Variants in MYH1 observed in about 807,000 individuals in gnomAD.
MYH1 encodes myosin-1.
MYH1 carries 214 observed loss-of-function variants against 225.6 expected under a neutral mutation model. That is an observed-to-expected ratio of 0.95 (90% CI 0.85 to 1.06). The LOEUF (loss-of-function observed/expected upper bound fraction) is 1.06, where lower values mean the gene tolerates loss of function less well. MYH1 is among the 50% of genes least tolerant of loss of function. The probability of loss-of-function intolerance (pLI) is 0.00; values close to 1 mark genes in which losing one functional copy is unlikely to be tolerated. For synonymous variants in MYH1, 774 were observed against 842.3 expected, an observed-to-expected ratio of 0.92 and a Z score of 1.40; for missense variants, 2,098 against 2,344.2, an observed-to-expected ratio of 0.89 and a Z score of 2.17.
chr17:10,497,418 G>A lies in MYH1; in HGVS notation c.4400C>T (p.Thr1467Ile), dbSNP rs1342993786. 3 of 1,611,312 alleles carry A rather than the reference G, an allele frequency of 1.9e-6. No individual in the cohort carries two copies. Among genetic ancestry groups the A allele is most frequent in the Non-Finnish European group, 8.5e-7 (1 of 1,179,496 alleles). Residue 1467 changes from threonine (T) to isoleucine (I), a missense_variant, in exon 32 of 40, where the codon ACT becomes ATT. By Grantham distance (89) the Thr-to-Ile change is moderately conservative (BLOSUM62 -1). Coordinates refer to ENST00000226207, the MANE Select transcript of MYH1 (RefSeq NM_005963.4). Reference sequence around the variant, plus strand: ...TTGAGAAGCTTCAAGTTCAGCATGAGTTTCTTCACACTTCTGTTTCCATTC... The same window carrying A: ...TTGAGAAGCTTCAAGTTCAGCATGAATTTCTTCACACTTCTGTTTCCATTC... ...LAEWKQKCEE[T>I]HAELEASQKE... is the part of the protein sequence containing the mutation.
At chr17:10,499,240 T>A (rs2142260134) in intron 28 of MYH1, 148 bp from the exon 29 acceptor site, 1 of 693,350 alleles carries the variant, frequency 1.4e-6, no homozygotes, top group African/African-American at 1.8e-5. Flanking sequence ...TTAACCTTGA[T>A]AAGCAGATCC....
Position 10,495,055 on chromosome 17 carries a change from G to A in MYH1, c.5342C>T (p.Ala1781Val). 1.2e-6 allele frequency: 2 copies of A among 1,614,202 alleles called. No individual in the cohort carries two copies. The highest frequency in any genetic ancestry group is 1.3e-5 in the African/African-American group (1 of 75,058). ...EELKKEQDTS[A>V]HLERMKKNLE... ...GTTCTTCTTCATCCGCTCCAGATGG[G>A]CGCTGGTGTCCTGTTCCTTCTTCAG... Residue 1781 changes from alanine to valine, a missense_variant, in exon 37 of 40, where the codon GCC (alanine) becomes GTC (valine). Physicochemically the swap from Ala to Val is moderately conservative, Grantham distance 64. Transcript: ENST00000226207.
At chr17:10,508,756 G>A (rs1038060288) in intron 15 of MYH1, 84 bp from the exon 16 acceptor site, 1 of 1,511,468 alleles carries the variant, frequency 6.6e-7, no homozygotes, top group Admixed American at 2.1e-5. Context: ...TATCCCATCT[G>A]AGTAAATTCA....
Position 10,516,586 on chromosome 17 carries a change from C to T in MYH1, c.57G>A (p.Lys19=). 1 of 1,614,194 alleles carries T rather than the reference C, an allele frequency of 6.2e-7. No individual in the cohort carries two copies. The highest frequency in any genetic ancestry group is 1.1e-5 in the South Asian group (1 of 91,086). ...GGGCTTCAATTCGCTCCCTTTCAGA[C>T]TTTCGGAGGAAAGGAGCAGCCTCCC... ...IFGEAAPFLR[K]SERERIEAQN... The change falls in exon 3 of 40, where the codon AAG becomes AAA. Residue 19 remains lysine, a synonymous_variant. Coordinates refer to ENST00000226207, the MANE Select transcript of MYH1 (RefSeq NM_005963.4).
chr17:10,507,984 G>A lies in MYH1; in HGVS notation c.1898-28C>T, dbSNP rs187792158. On this transcript the variant is annotated intron_variant, in intron 16 of 39. Transcript: ENST00000226207. Reference sequence around the variant, plus strand: ...GAGGGGAAAAAGAAAGCAATCATAGGACAGCCTTTCTCTGGTTATGGTTTT... The same window carrying A: ...GAGGGGAAAAAGAAAGCAATCATAGAACAGCCTTTCTCTGGTTATGGTTTT... 1.7e-3 allele frequency: 2,611 copies of A among 1,557,744 alleles called. 2 individuals are homozygous for A. The highest frequency in any genetic ancestry group is 2.7e-3 in the Admixed American group (160 of 58,518).
chr17:10,502,796 T>G lies in MYH1; in HGVS notation c.3053A>C (p.Glu1018Ala). ...TTTGGTCAGGGTGTTGACTTTGTCC[T>G]CCTCTGCCTGCAGGTCATCCAGGGT... is the stretch of plus-strand genomic sequence containing the variant. ...QQTLDDLQAE[E>A]DKVNTLTKAK... is the part of the protein sequence containing the mutation. The change falls in exon 24 of 40, where the codon GAG (glutamate) becomes GCG (alanine). Residue 1018 changes from glutamate to alanine, a missense_variant. Coordinates refer to ENST00000226207, the MANE Select transcript of MYH1 (RefSeq NM_005963.4). 1 of 1,614,104 alleles carries G rather than the reference T, an allele frequency of 6.2e-7. No homozygotes were observed. The highest frequency in any genetic ancestry group is 8.5e-7 in the Non-Finnish European group (1 of 1,179,976).
chr17:10,493,432 G>T (rs1266111972), intron 39 of MYH1, among the ~76,000 whole-genome samples: 4 of 152,160 alleles, frequency 2.6e-5, no homozygotes, highest in African/African-American at 9.7e-5. Flanking sequence ...GAACTCATTT[G>T]TGATATGTAA....
intron 30 of MYH1, among the ~76,000 whole-genome samples, chr17:10,498,352 G>A (rs1259031374): frequency 6.6e-6 from 1 of 152,152 alleles, no homozygotes; most frequent in African/African-American, 2.4e-5. Flanking sequence ...TGGATAAATT[G>A]AATTCAAATG....
intron 16 of MYH1, among the ~76,000 whole-genome samples, 199 bp from the exon 17 acceptor site, chr17:10,508,155 A>G (rs1236582139): frequency 6.6e-6 from 1 of 151,574 alleles, no homozygotes; most frequent in Non-Finnish European, 1.5e-5. Flanking sequence ...AGTAGCTGGG[A>G]TTATAGGCAC....
At chr17:10,510,564 C>T (rs1001833134) in intron 14 of MYH1, among the ~76,000 whole-genome samples, 2 of 152,148 alleles carry the variant, frequency 1.3e-5, no homozygotes, top group African/African-American at 4.8e-5. Context: ...CTTTATTATT[C>T]GGGACACCTA....
rs774749073 is a variant in MYH1, at chr17:10,506,073, G to T, written c.1995C>A (p.Asn665Lys). The T allele has an allele frequency of 6.2e-7, 1 of 1,614,194 alleles. No individual in the cohort carries two copies. ...CAAAGTGGGGGTGAGTGCTCCTCAAGTTGGTCATCAGCTTATTCAAATTCT... is the reference window on the plus strand; with the variant it reads ...CAAAGTGGGGGTGAGTGCTCCTCAATTTGGTCATCAGCTTATTCAAATTCT... ...FRENLNKLMT[N>K]LRSTHPHFVR... The change falls in exon 18 of 40, where the codon AAC (asparagine) becomes AAA (lysine). Residue 665 changes from asparagine to lysine, a missense_variant. Transcript: ENST00000226207.
intron 2 of MYH1, among the ~76,000 whole-genome samples, chr17:10,517,136 G>C (rs930841305): frequency 2.4e-4 from 36 of 152,138 alleles, no homozygotes; most frequent in Non-Finnish European, 4.9e-4. Flanking sequence ...ACAAATGCTG[G>C]ACACAGAGAA....
chr17:10,516,055 C>T lies in MYH1; in HGVS notation c.376G>A (p.Val126Ile). The change falls in exon 5 of 40, where the codon GTC becomes ATC. Residue 126 changes from valine to isoleucine, a missense_variant. Val to Ile is a conservative substitution (Grantham distance 29, BLOSUM62 3). Coordinates refer to ENST00000226207, the MANE Select transcript of MYH1 (RefSeq NM_005963.4). ...YTYSGLFCVT[V>I]NPYKWLPVYN... is the part of the protein sequence containing the mutation. ...ACTGGCAACCACTTGTAGGGGTTGACAGTGACACAGAACAAGCCTGAGTAG... is the reference window on the plus strand; with the variant it reads ...ACTGGCAACCACTTGTAGGGGTTGATAGTGACACAGAACAAGCCTGAGTAG... 6.2e-7 allele frequency: 1 copy of T among 1,614,142 alleles called. No individual in the cohort carries two copies. The highest frequency in any genetic ancestry group is 2.2e-5 in the East Asian group (1 of 44,874).
intron 27 of MYH1, 80 bp downstream of exon 27, chr17:10,501,030 A>T: frequency 6.4e-7 from 1 of 1,571,756 alleles, no homozygotes; most frequent in Non-Finnish European, 8.6e-7. Flanking sequence ...AGTTCATGAG[A>T]CGTTTTTGAG....
chr17:10,509,372 C>T, intron 15 of MYH1, 113 bp downstream of exon 15: 1 of 1,525,622 alleles, frequency 6.6e-7, no homozygotes, highest in Non-Finnish European at 8.9e-7. Flanking sequence ...AGGAATTCTC[C>T]TCATGTTTTT....
chr17:10,511,074 T>C (rs139355837), intron 14 of MYH1, among the ~76,000 whole-genome samples: 75 of 152,106 alleles, frequency 4.9e-4, no homozygotes, highest in Middle Eastern at 3.4e-3. Context: ...TCTTTCCACG[T>C]TGGCTTGGAA....
chr17:10,504,852 A>G lies in MYH1; in HGVS notation c.2649T>C (p.Thr883=), dbSNP rs758062132. The change falls in exon 22 of 40, where the codon ACT becomes ACC. Residue 883 remains threonine, a synonymous_variant. Coordinates refer to ENST00000226207, the MANE Select transcript of MYH1 (RefSeq NM_005963.4). The part of the protein sequence containing the change: ...KRKELEEKMV[T]LMQEKNDLQL... ...GCAAGTCATTTTTTTCTTGCATCAG[A>G]GTAACCATTTTTTCTTCCAGCTCTT... 1 of 1,614,160 alleles carries G rather than the reference A, an allele frequency of 6.2e-7. No individual in the cohort carries two copies. The highest frequency in any genetic ancestry group is 8.5e-7 in the Non-Finnish European group (1 of 1,180,028).
At position 10,498,629 on chromosome 17, in the gene MYH1, G is replaced by A; in HGVS notation, c.4178C>T (p.Ala1393Val). 3.7e-6 allele frequency: 6 copies of A among 1,613,952 alleles called. No individual in the cohort carries two copies. Among genetic ancestry groups the A allele is most frequent in the Non-Finnish European group, 5.1e-6 (6 of 1,179,870 alleles). Residue 1393 changes from alanine to valine, a missense_variant, in exon 30 of 40, where the codon GCC (alanine) becomes GTC (valine). Physicochemically the swap from Ala to Val is moderately conservative, Grantham distance 64. Transcript: ENST00000226207. ...TTTAACTAAGTCTGGAACATACTTGGCCTCCTCCAGCTCCTCTGTGCGCTG... is the reference window on the plus strand; with the variant it reads ...TTTAACTAAGTCTGGAACATACTTGACCTCCTCCAGCTCCTCTGTGCGCTG... Reference protein sequence around the residue: ...AIQRTEELEEAKKKLAQRLQD... With the variant: ...AIQRTEELEEVKKKLAQRLQD...
chr17:10,501,672 T>C lies in MYH1; in HGVS notation c.3270A>G (p.Glu1090=). The C allele has an allele frequency of 6.2e-7, 1 of 1,614,224 alleles. No individual in the cohort carries two copies. Among genetic ancestry groups the C allele is most frequent in the Admixed American group, 1.7e-5 (1 of 60,022 alleles). The change falls in exon 26 of 40, where the codon GAA becomes GAG. Residue 1090 remains glutamate, a synonymous_variant. Transcript: ENST00000226207. ...CAATCTTGCTTTGCAGACCGCTCAT[T>C]TCAAACTCTTTCCTATTAGAAAAGC... is the stretch of plus-strand genomic sequence containing the variant. ...LDEKLKKKEF[E]MSGLQSKIED... is the part of the protein sequence containing the mutation.
Sources: allele counts gnomAD v4.1 joint callset (sites outside exome capture counted in the v4.1 genomes callset), GRCh38; gene constraint gnomAD v4.1.1; transcripts MANE v1.5; gene names NCBI Gene and HGNC (gene_info 2026-07-23, HGNC 2026-07-21).